The following CPAMD8 variants were observed in gnomAD, a reference collection of about 807,000 sequenced individuals.
CPAMD8 encodes C3 and PZP-like alpha-2-macroglobulin domain-containing protein 8.
A neutral mutation model predicts 224.7 loss-of-function variants in CPAMD8; 146 were observed. The ratio of observed to expected loss-of-function variants is 0.65; its 90% CI spans 0.57 to 0.75. The LOEUF (loss-of-function observed/expected upper bound fraction) is 0.75. Ranked by LOEUF, CPAMD8 falls within the 30% of genes least tolerant of loss-of-function variation. CPAMD8 has a pLI of 0.00. For synonymous variants in CPAMD8, 966 were observed against 1,044.6 expected (o/e 0.92, Z 1.45); for missense variants, 2,301 against 2,537.5 (o/e 0.91, Z 2.00).
chr19:16,989,542 C>T lies in CPAMD8; in HGVS notation c.1395+101G>A, dbSNP rs928955492. 15 of 1,438,636 alleles carry T rather than the reference C, an allele frequency of 1.0e-5. No individual in the cohort carries two copies. In the African/African-American group the frequency reaches 1.7e-4, roughly 17 times the overall value. The allele number at this position is 1,438,636 out of a possible 1,614,324, so 89.1% of individuals were successfully genotyped here. Reference sequence around the variant, plus strand: ...CCTCCAGTGATCCGCCTGCCTCGGCCTCCCAAAATGCTGGGATTACAGGCA... The same window carrying T: ...CCTCCAGTGATCCGCCTGCCTCGGCTTCCCAAAATGCTGGGATTACAGGCA... On this transcript the variant is annotated intron_variant, in intron 13 of 41. Transcript: ENST00000443236.
intron 4 of CPAMD8, 37 bp downstream of exon 4, chr19:17,011,555 A>G (rs1335545141): frequency 1.2e-6 from 2 of 1,614,154 alleles, no homozygotes; most frequent in South Asian, 1.1e-5. Context: ...CCTCCAGACC[A>G]TGGCCGGCCC....
In CPAMD8 at chr19:16,897,716, C is replaced by T. The variant is rs746566505; in HGVS notation, c.5040G>A (p.Val1680=). 1.3e-6 allele frequency: 2 copies of T among 1,558,180 alleles called. No individual in the cohort carries two copies. Among genetic ancestry groups the T allele is most frequent in the Non-Finnish European group, 1.7e-6 (2 of 1,152,950 alleles). ...CCGGGCCCCGGGCAGGGGCGCGCTC[C>T]ACTTCGTTGCACGCGGGTCCGGCGC... is the stretch of plus-strand genomic sequence containing the variant. ...ELCAGPACNE[V]ERAPARGPGW... is the part of the protein sequence containing the mutation. Residue 1680 remains valine (V), a synonymous_variant, in exon 39 of 42, where the codon GTG becomes GTA. Coordinates refer to ENST00000443236, the MANE Select transcript of CPAMD8 (RefSeq NM_015692.5).
Position 16,945,543 on chromosome 19 carries a change from C to A in CPAMD8, c.2793+6G>T, listed in dbSNP as rs1283601363. On this transcript the variant is annotated splice_donor_region_variant and intron_variant, in intron 22 of 41. Coordinates refer to ENST00000443236, the MANE Select transcript of CPAMD8 (RefSeq NM_015692.5). The stretch of plus-strand genomic sequence containing the variant: ...CTAAGCACCAGAGATGAGGACACGG[C>A]CTTACCTCAACCATCACACTGCGCC... 2 of 1,613,722 alleles carry A rather than the reference C, an allele frequency of 1.2e-6. No individual in the cohort carries two copies. Among genetic ancestry groups the A allele is most frequent in the South Asian group, 1.1e-5 (1 of 91,024 alleles).
At chr19:17,001,644 TAGAGTGCAAG>T (rs1443348949) in intron 9 of CPAMD8, among the ~76,000 whole-genome samples, 2 of 151,630 alleles carry the variant, frequency 1.3e-5, no homozygotes, top group Admixed American at 6.6e-5. Flanking sequence ...AGGCAGTGGG[TAGAGTGCAAG>T]AGACTCATGT....
At position 16,898,637 on chromosome 19, in the gene CPAMD8, CA is replaced by C. The variant is rs2052130340; in HGVS notation, c.4849-644del. On this transcript the variant is annotated intron_variant, in intron 37 of 41. Coordinates refer to ENST00000443236, the MANE Select transcript of CPAMD8 (RefSeq NM_015692.5). This position sits in a 1 kb window ranked among gnomAD's most constrained non-coding sequence, Gnocchi z 4.2. ...CCACTCCCCCAGCCCCTGGCAACCA[CA>C]AATCTTTCCAACTCTACGGATTTGC... Among the ~76,000 whole-genome samples the C allele has an allele frequency of 6.6e-6, 1 of 152,186 alleles. No homozygotes were observed. The highest frequency in any genetic ancestry group is 2.1e-4 in the South Asian group (1 of 4,830).
At chr19:16,989,822 G>A (rs1263864150) in intron 12 of CPAMD8, 51 bp from the exon 13 acceptor site, 3 of 1,574,724 alleles carry the variant, frequency 1.9e-6, no homozygotes, top group East Asian at 2.3e-5. Flanking sequence ...GAGCAGAAAG[G>A]GGGTCTTGGG....
chr19:16,961,116 T>G (rs918036807), intron 18 of CPAMD8, among the ~76,000 whole-genome samples: 3 of 152,178 alleles, frequency 2.0e-5, no homozygotes, highest in African/African-American at 7.2e-5. Flanking sequence ...GATGGGTGAT[T>G]TCTGCATTTC....
chr19:16,929,164 A>T lies in CPAMD8; in HGVS notation c.2922T>A (p.Asp974Glu), dbSNP rs1346334604. 10 of 1,614,020 alleles carry T rather than the reference A, an allele frequency of 6.2e-6. No homozygotes were observed. Among genetic ancestry groups the T allele is most frequent in the African/African-American group, 1.3e-5 (1 of 74,940 alleles). Residue 974 changes from aspartate (D) to glutamate (E), a missense_variant, in exon 24 of 42, where the codon GAT becomes GAA. By Grantham distance (45) the Asp-to-Glu change is conservative (BLOSUM62 2). Transcript: ENST00000443236. The part of the protein sequence containing the change: ...VQRPLRLTRF[D>E]VAVRAHNDAR... ...CATCATTGTGAGCTCGCACAGCCAC[A>T]TCAAAGCGGGTGAGGCGCAGTGGCC... is the stretch of plus-strand genomic sequence containing the variant.
rs2051866758 is a variant in CPAMD8, at chr19:16,894,171, G to T, written c.5427-832C>A. 3.6e-5 allele frequency: 9 copies of T among 249,660 alleles called. No individual in the cohort carries two copies. The South Asian group carries it at 3.9e-4, about 11-fold the overall frequency. 15.5% of individuals were successfully genotyped at this position (249,660 alleles called of 1,614,324 possible). On this transcript the variant is annotated intron_variant, in intron 41 of 41. Coordinates refer to ENST00000443236, the MANE Select transcript of CPAMD8 (RefSeq NM_015692.5). ...TGGAGCTCCAGCTGTAGCTAGGAAG[G>T]TGGGGGATCTCCCAAGGGACCTCCA...
chr19:16,972,197 T>C (rs114625434), intron 17 of CPAMD8, among the ~76,000 whole-genome samples: 1,650 of 152,226 alleles, frequency 0.011, 26 homozygotes, highest in African/African-American at 0.038. Context: ...ACGGCCTCCA[T>C]CTGTGGTTCA....
At chr19:16,975,330 T>C (rs2122696678) in intron 16 of CPAMD8, 72 bp from the exon 17 acceptor site, 1 of 1,259,230 alleles carries the variant, frequency 7.9e-7, no homozygotes, top group Admixed American at 2.0e-5. Context: ...CCCGTGGGTG[T>C]GGCATGCTCC....
intron 9 of CPAMD8, among the ~76,000 whole-genome samples, chr19:17,001,622 G>A (rs2056326767): frequency 6.6e-6 from 1 of 152,046 alleles, no homozygotes; most frequent in African/African-American, 2.4e-5. Flanking sequence ...ACACCAGCAT[G>A]GAAACAAAGA....
At chr19:16,894,527 CT>C in intron 41 of CPAMD8, 2 of 452,354 alleles carry the variant, frequency 4.4e-6, no homozygotes, top group South Asian at 3.1e-5. Flanking sequence ...CTCCACGGGG[CT>C]CAGGCCAGCT....
intron 17 of CPAMD8, among the ~76,000 whole-genome samples, chr19:16,972,493 C>T (rs971336727): frequency 6.6e-5 from 10 of 151,862 alleles, no homozygotes; most frequent in Non-Finnish European, 8.8e-5. Context: ...AGTGCAGTGG[C>T]GCGATCTCGG....
At chr19:17,004,839 A>G (rs1459020944) in intron 7 of CPAMD8, among the ~76,000 whole-genome samples, 1 of 152,090 alleles carries the variant, frequency 6.6e-6, no homozygotes, top group Non-Finnish European at 1.5e-5. Context: ...CACCCAACAG[A>G]TGCCAGTAGT....
At chr19:17,012,817 C>T (rs534979937) in intron 3 of CPAMD8, among the ~76,000 whole-genome samples, 1 of 152,320 alleles carries the variant, frequency 6.6e-6, no homozygotes, top group African/African-American at 2.4e-5. Flanking sequence ...AGACCTGGAT[C>T]CCTTGATATA....
chr19:17,013,506 G>A (rs991804092), intron 3 of CPAMD8: 26 of 17,456 alleles, frequency 1.5e-3, no homozygotes, highest in Admixed American at 0.011. Context: ...GCGAGACTCC[G>A]CCTCAAAAAA....
chr19:16,899,538 G>A lies in CPAMD8; in HGVS notation c.4785C>T (p.Asp1595=). 1.3e-6 allele frequency: 2 copies of A among 1,546,468 alleles called. No homozygotes were observed. The highest frequency in any genetic ancestry group is 1.8e-6 in the Non-Finnish European group (2 of 1,118,660). ...DIESLEQLLL[D]KHMGMKRYEV... is the part of the protein sequence containing the mutation. ...CATACCTCTTCATCCCCATGTGCTT[G>A]TCAAGGAGCAGCTGCAGAGGAAGCC... Residue 1595 remains aspartate (D), a synonymous_variant, in exon 37 of 42, where the codon GAC becomes GAT. Transcript: ENST00000443236. The surrounding 1 kb of genome is among the most constrained non-coding windows in gnomAD (Gnocchi z 5.4).
Position 16,947,168 on chromosome 19 carries a change from G to C in CPAMD8, c.2568C>G (p.Arg856=). Residue 856 remains arginine (R), a synonymous_variant, in exon 21 of 42, where the codon CGC becomes CGG. Coordinates refer to ENST00000443236, the MANE Select transcript of CPAMD8 (RefSeq NM_015692.5). ...GIQFVGHPGK[R]HVTKKMCVAP... ...CCACACACATCTTCTTGGTCACATG[G>C]CGTTTGCCAGGATGCCCAACAAACT... 1 of 1,613,840 alleles carries C rather than the reference G, an allele frequency of 6.2e-7. No homozygotes were observed. Among genetic ancestry groups the C allele is most frequent in the South Asian group, 1.1e-5 (1 of 91,050 alleles).
Sources: allele counts gnomAD v4.1 joint callset (sites outside exome capture counted in the v4.1 genomes callset), GRCh38; gene constraint gnomAD v4.1.1; non-coding constraint Gnocchi (gnomAD v3.1); transcripts MANE v1.5; gene names NCBI Gene and HGNC (gene_info 2026-07-23, HGNC 2026-07-21).